KITLG: variants seen among roughly 807,000 people sequenced by gnomAD.
KITLG encodes the protein c-Kit ligand.
Under a neutral mutation model 34.1 loss-of-function variants are expected in KITLG, and 13 were observed. That is an observed-to-expected ratio of 0.38 (90% confidence interval 0.25 to 0.61). KITLG has a LOEUF of 0.61. Ranked by LOEUF, KITLG falls within the 20% of genes least tolerant of loss-of-function variation. KITLG has a pLI of 0.60. For missense variants in KITLG, 292 were observed against 318.9 expected, an observed-to-expected ratio of 0.92 and a Z score of 0.64; for synonymous variants, 110 against 104.0, an observed-to-expected ratio of 1.06 and a Z score of -0.35.
At chr12:88,566,891 C>A (rs910483752) in intron 1 of KITLG, among the ~76,000 whole-genome samples, 2 of 152,086 alleles carry the variant, frequency 1.3e-5, no homozygotes, top group Non-Finnish European at 2.9e-5. Flanking sequence ...AAATGGACAT[C>A]CTGAAAGCTG....
chr12:88,546,122 A>G, intron 1 of KITLG: 1 of 544,660 alleles, frequency 1.8e-6, no homozygotes. Flanking sequence ...CAATTTCCCA[A>G]TGGCAATTAG....
At chr12:88,566,608 G>A (rs1871451269) in intron 1 of KITLG, among the ~76,000 whole-genome samples, 1 of 152,158 alleles carries the variant, frequency 6.6e-6, no homozygotes, top group Non-Finnish European at 1.5e-5. Context: ...GAAACCAAGT[G>A]CAGCAATATT....
At chr12:88,561,924 C>A (rs1871309792) in intron 1 of KITLG, among the ~76,000 whole-genome samples, 1 of 149,126 alleles carries the variant, frequency 6.7e-6, no homozygotes, top group African/African-American at 2.5e-5. Context: ...GAAGCCTTCC[C>A]AGGTAACCTG....
intron 1 of KITLG, among the ~76,000 whole-genome samples, chr12:88,549,382 G>A (rs750523825): frequency 3.2e-4 from 49 of 152,258 alleles, no homozygotes; most frequent in Admixed American, 7.2e-4. Flanking sequence ...AAATGAAACC[G>A]ACAAGTTGGG....
intron 3 of KITLG, among the ~76,000 whole-genome samples, chr12:88,521,760 T>C (rs1869672857): frequency 6.6e-6 from 1 of 152,192 alleles, no homozygotes; most frequent in Non-Finnish European, 1.5e-5. Context: ...AGATTCTGCT[T>C]TGAGTGTAAA....
chr12:88,523,365 C>T (rs529156774), intron 3 of KITLG, among the ~76,000 whole-genome samples: 25 of 152,284 alleles, frequency 1.6e-4, no homozygotes, highest in African/African-American at 5.5e-4. Context: ...CCAGGACTCT[C>T]GATCACTCAT....
At chr12:88,541,612 G>C (rs1043028130) in intron 2 of KITLG, among the ~76,000 whole-genome samples, 1 of 152,150 alleles carries the variant, frequency 6.6e-6, no homozygotes, top group Non-Finnish European at 1.5e-5. Flanking sequence ...ATAAAAGCTT[G>C]ATTCATCCTC....
chr12:88,514,706 G>GT lies in KITLG; in HGVS notation c.604+827dup, dbSNP rs200219732. ...CAAAATAAGTAAATTGTATTTTAGAGTTTTTTTAAATGTTCTGCATTGTAA... is the reference window on the plus strand; with the variant it reads ...CAAAATAAGTAAATTGTATTTTAGAGTTTTTTTTAAATGTTCTGCATTGTAA... On this transcript the variant is annotated intron_variant, in intron 6 of 9. Transcript: ENST00000644744. Among the ~76,000 whole-genome samples the GT allele has an allele frequency of 8.9e-3, 1,344 of 151,670 alleles. 27 individuals are homozygous for GT. Among genetic ancestry groups the GT allele is most frequent in the African/African-American group, 0.031 (1,269 of 41,476 alleles).
chr12:88,580,372 G>T lies in KITLG; in HGVS notation c.-94C>A. 1 of 1,444,996 alleles carries T rather than the reference G, an allele frequency of 6.9e-7. No homozygotes were observed. Among genetic ancestry groups the T allele is most frequent in the African/African-American group, 1.4e-5 (1 of 71,502 alleles). The allele number at this position is 1,444,996 out of a possible 1,614,324, so 89.5% of individuals were successfully genotyped here. A position where few individuals can be genotyped will look rare whatever the true frequency, so the allele number is the denominator to read the frequency against. On this transcript the variant is annotated 5_prime_UTR_variant, in exon 1 of 10. Transcript: ENST00000644744. ...CCAGCATATTGCACGAACAGCGGCG[G>T]CAGATAGTCCACGCATTGGGTAGCC...
chr12:88,518,097 T>C (rs1010932702), intron 4 of KITLG, among the ~76,000 whole-genome samples: 4 of 152,120 alleles, frequency 2.6e-5, no homozygotes, highest in Non-Finnish European at 5.9e-5. Context: ...AATTCTGGCA[T>C]TGCCCCCATT....
At chr12:88,551,635 G>A (rs1870918310) in intron 1 of KITLG, among the ~76,000 whole-genome samples, 1 of 152,106 alleles carries the variant, frequency 6.6e-6, no homozygotes, top group Non-Finnish European at 1.5e-5. Flanking sequence ...CAGATTGTCA[G>A]GTCATTACTT....
chr12:88,560,391 T>A (rs79511260), intron 1 of KITLG, among the ~76,000 whole-genome samples: 3 of 152,178 alleles, frequency 2.0e-5, no homozygotes, highest in Non-Finnish European at 2.9e-5. Context: ...ACCCATTTTT[T>A]AAAAAATGTG....
At chr12:88,575,493 G>A (rs1233485853) in intron 1 of KITLG, among the ~76,000 whole-genome samples, 2 of 152,100 alleles carry the variant, frequency 1.3e-5, no homozygotes, top group East Asian at 1.9e-4. Context: ...CCCAGCCCCT[G>A]TAAACAGTTT....
chr12:88,507,585 T>G (rs910194368), intron 6 of KITLG, among the ~76,000 whole-genome samples: 6 of 152,204 alleles, frequency 3.9e-5, no homozygotes, highest in Non-Finnish European at 8.8e-5. Flanking sequence ...TTTGGACTGT[T>G]GAAAATATTA....
In KITLG at chr12:88,507,085, T is replaced by A. The variant is rs745399692; in HGVS notation, c.657A>T (p.Ala219=). 2.5e-6 allele frequency: 4 copies of A among 1,613,896 alleles called. No individual in the cohort carries two copies. The highest frequency in any genetic ancestry group is 3.4e-6 in the Non-Finnish European group (4 of 1,179,814). The change falls in exon 7 of 10, where the codon GCA becomes GCT. Residue 219 remains alanine, a synonymous_variant. Coordinates refer to ENST00000644744, the MANE Select transcript of KITLG (RefSeq NM_000899.5). ...GDSSLHWAAM[A]LPALFSLIIG... is the part of the protein sequence containing the mutation. ...TTATAAGAGAAAACAATGCTGGCAA[T>A]GCCATGGCTGCCCAGTGTAGGCTGG... is the stretch of plus-strand genomic sequence containing the variant.
At chr12:88,507,754 A>C (rs1166464495) in intron 6 of KITLG, among the ~76,000 whole-genome samples, 1 of 152,170 alleles carries the variant, frequency 6.6e-6, no homozygotes, top group Non-Finnish European at 1.5e-5. Flanking sequence ...TAAGACTAAC[A>C]CTAAGGGGAA....
At chr12:88,504,236 C>T (rs1868963684) in intron 9 of KITLG, among the ~76,000 whole-genome samples, 4 of 151,956 alleles carry the variant, frequency 2.6e-5, no homozygotes, top group Admixed American at 2.6e-4. Context: ...CAGCTTCAGC[C>T]AACATACTGA....
chr12:88,576,137 G>A (rs1371621705), intron 1 of KITLG, among the ~76,000 whole-genome samples: 3 of 152,088 alleles, frequency 2.0e-5, no homozygotes, highest in African/African-American at 7.2e-5. Flanking sequence ...CTGAGTCAGC[G>A]ATAAAGATAA....
At chr12:88,519,025 G>A (rs1309505646) in intron 3 of KITLG, among the ~76,000 whole-genome samples, 158 bp from the exon 4 acceptor site, 2 of 152,010 alleles carry the variant, frequency 1.3e-5, no homozygotes, top group African/African-American at 4.8e-5. Context: ...ACCATGCCTG[G>A]CTACTTTTTT....
Sources: gnomAD v4.1 joint callset for allele counts (sites outside exome capture counted in the v4.1 genomes callset) on GRCh38, gnomAD v4.1.1 for gene constraint, MANE v1.5 for transcripts, NCBI Gene and HGNC (gene_info 2026-07-23, HGNC 2026-07-21) for gene names.